Variants in NDUFAF5 observed in about 807,000 individuals in gnomAD.
NDUFAF5 encodes NADH:ubiquinone oxidoreductase complex assembly factor 5, also known as arginine-hydroxylase NDUFAF5, mitochondrial.
In NDUFAF5, 34 loss-of-function variants were observed where a neutral mutation model predicts 48.9. That is an observed-to-expected ratio of 0.70 (90% CI 0.53 to 0.93). NDUFAF5 has a LOEUF of 0.93. Ranked by LOEUF, NDUFAF5 falls within the 40% of genes least tolerant of loss-of-function variation. NDUFAF5 has a pLI of 0.00. For synonymous variants in NDUFAF5, 153 were observed against 150.6 expected (o/e 1.02, Z -0.12); for missense variants, 428 against 427.5 (o/e 1.00, Z -0.01).
rs1266331973 is a variant in NDUFAF5, at chr20:13,785,155, C to T, written c.87C>T (p.Val29=). The change falls in exon 1 of 11, where the codon GTC becomes GTT. Residue 29 remains valine (V), a synonymous_variant. Transcript: ENST00000378106. ...CGGAGAATCTTGGCCGTAGGGAAGTCACCTCTGGTGTCTCTCCCCGCGGTA... is the reference window on the plus strand; with the variant it reads ...CGGAGAATCTTGGCCGTAGGGAAGTTACCTCTGGTGTCTCTCCCCGCGGTA... ...VPAENLGRRE[V]TSGVSPRGST... is the part of the protein sequence containing the mutation. 3 of 1,613,866 alleles carry T rather than the reference C, an allele frequency of 1.9e-6. No individual in the cohort carries two copies. The highest frequency in any genetic ancestry group is 2.7e-5 in the African/African-American group (2 of 74,942).
intron 1 of NDUFAF5, among the ~76,000 whole-genome samples, chr20:13,786,204 A>ATTGAACTCATAGCTTGAGC (rs1157600010): frequency 2.0e-5 from 3 of 152,248 alleles, no homozygotes; most frequent in Admixed American, 1.3e-4. Context: ...ACAAACAGTT[A>ATTGAACTCATAGCTTGAGC]TTGAACTCAT....
chr20:13,788,926 AT>A (rs1242160473), intron 3 of NDUFAF5, among the ~76,000 whole-genome samples: 6 of 152,020 alleles, frequency 3.9e-5, no homozygotes, highest in Non-Finnish European at 7.4e-5. Flanking sequence ...CTTTGTTCAC[AT>A]TTTTTTATAA....
intron 7 of NDUFAF5, 24 bp downstream of exon 7, chr20:13,801,707 C>A (rs768773442): frequency 1.3e-6 from 2 of 1,588,068 alleles, no homozygotes; most frequent in East Asian, 4.5e-5. Context: ...TCGATTAACC[C>A]ATAACTTACA....
At chr20:13,788,561 A>C (rs1289002459) in intron 2 of NDUFAF5, 28 bp from the exon 3 acceptor site, 2 of 1,555,720 alleles carry the variant, frequency 1.3e-6, no homozygotes, top group Non-Finnish European at 1.8e-6. Flanking sequence ...TTATGGACAG[A>C]GCATAACCTC....
rs528993917 is a variant in NDUFAF5, at chr20:13,819,829, G to A, written c.*2619G>A. 1 of 152,302 alleles carries A rather than the reference G, an allele frequency of 6.6e-6. No individual in the cohort carries two copies. Among genetic ancestry groups the A allele is most frequent in the South Asian group, 2.1e-4 (1 of 4,824 alleles). 9.4% of individuals were successfully genotyped at this position (152,302 alleles called of 1,614,324 possible). A position where few individuals can be genotyped will look rare whatever the true frequency, so the allele number is the denominator to read the frequency against. On this transcript the variant is annotated 3_prime_UTR_variant, in exon 11 of 11. Coordinates refer to ENST00000378106, the MANE Select transcript of NDUFAF5 (RefSeq NM_024120.5). ...TCAATCTCAACACCTTGACCAAAAT[G>A]AACTTTCTTGAGTCATTTCTTCTCT...
Position 13,788,599 on chromosome 20 carries a change from C to G in NDUFAF5, c.274C>G (p.Leu92Val). Residue 92 changes from leucine to valine, a missense_variant, in exon 3 of 11, where the codon CTT becomes GTT. Coordinates refer to ENST00000378106, the MANE Select transcript of NDUFAF5 (RefSeq NM_024120.5). ...RVYDIPRNFPLALDLGCGRGY... is the reference protein window; with the variant it reads ...RVYDIPRNFPVALDLGCGRGY... ...TGTCTTTTTTTTTAGAAATTTCCCC[C>G]TTGCTTTGGATCTTGGTTGTGGAAG... 7 of 1,611,524 alleles carry G rather than the reference C, an allele frequency of 4.3e-6. No homozygotes were observed. The highest frequency in any genetic ancestry group is 5.9e-6 in the Non-Finnish European group (7 of 1,177,836).
At chr20:13,812,341 G>A (rs1164174598) in intron 8 of NDUFAF5, among the ~76,000 whole-genome samples, 1 of 152,134 alleles carries the variant, frequency 6.6e-6, no homozygotes, top group Non-Finnish European at 1.5e-5. Context: ...TCAGTAATAA[G>A]TCACACACAC....
intron 4 of NDUFAF5, 73 bp downstream of exon 4, chr20:13,793,300 A>G (rs1319784078): frequency 1.6e-6 from 2 of 1,277,758 alleles, no homozygotes; most frequent in Admixed American, 1.7e-5. Flanking sequence ...CTTTATTTTT[A>G]TTTCCTTCAA....
chr20:13,785,943 C>G (rs1391020866), intron 1 of NDUFAF5, among the ~76,000 whole-genome samples: 1 of 152,008 alleles, frequency 6.6e-6, no homozygotes, highest in Non-Finnish European at 1.5e-5. Context: ...ATGTGGCTCT[C>G]ATGATTTTTG....
At chr20:13,812,774 T>G (rs1986029951) in intron 8 of NDUFAF5, among the ~76,000 whole-genome samples, 1 of 152,242 alleles carries the variant, frequency 6.6e-6, no homozygotes, top group Non-Finnish European at 1.5e-5. Flanking sequence ...ATTTGATATG[T>G]ATGTGATTCT....
intron 3 of NDUFAF5, 74 bp from the exon 4 acceptor site, chr20:13,793,106 C>T: frequency 4.0e-6 from 6 of 1,514,958 alleles, no homozygotes; most frequent in Non-Finnish European, 4.6e-6. Context: ...GTAATTAACA[C>T]TTTTACCTTT....
intron 6 of NDUFAF5, 85 bp downstream of exon 6, chr20:13,798,585 A>G (rs571394625): frequency 1.5e-4 from 163 of 1,082,764 alleles, no homozygotes; most frequent in African/African-American, 2.2e-4. Flanking sequence ...TTCACATACT[A>G]TTTACTTGTA....
rs1986977228 is a variant in NDUFAF5 at position 13,821,501 on chromosome 20, C to G, written c.*4291C>G. ...CATTGACCACAACCTCATGAGAGAC[C>G]CTGAGCTAGAACCACCTAGCTAAGC... On this transcript the variant is annotated 3_prime_UTR_variant, in exon 11 of 11. Transcript: ENST00000378106. The G allele has an allele frequency of 6.6e-6, 1 of 152,180 alleles. No individual in the cohort carries two copies. Among genetic ancestry groups the G allele is most frequent in the African/African-American group, 2.4e-5 (1 of 41,434 alleles). The allele number at this position is 152,180 out of a possible 1,614,324, so 9.4% of individuals were successfully genotyped here. A position where few individuals can be genotyped will look rare whatever the true frequency, so the allele number is the denominator to read the frequency against.
intron 6 of NDUFAF5, among the ~76,000 whole-genome samples, chr20:13,800,917 G>T (rs571636547): frequency 1.5e-4 from 23 of 152,324 alleles, no homozygotes; most frequent in African/African-American, 4.8e-4. Context: ...GGCTAGCTCA[G>T]GCTTGTTCAC....
chr20:13,791,200 G>A (rs1179357604), intron 3 of NDUFAF5, among the ~76,000 whole-genome samples: 1 of 152,186 alleles, frequency 6.6e-6, no homozygotes, highest in East Asian at 1.9e-4. Context: ...ATAGCTGGCA[G>A]GTAGTTGGAA....
intron 7 of NDUFAF5, among the ~76,000 whole-genome samples, chr20:13,805,854 G>C (rs1314585530): frequency 1.3e-5 from 2 of 152,004 alleles, no homozygotes; most frequent in Non-Finnish European, 2.9e-5. Flanking sequence ...TTGAGCCTGG[G>C]ACGTTGAGGC....
chr20:13,799,024 G>A (rs1276968551), intron 6 of NDUFAF5, among the ~76,000 whole-genome samples: 2 of 152,186 alleles, frequency 1.3e-5, no homozygotes, highest in Non-Finnish European at 2.9e-5. Context: ...CAGGGCCTTA[G>A]AGGGTAGGTA....
chr20:13,813,089 A>T (rs1284797640), intron 8 of NDUFAF5: 1 of 152,458 alleles, frequency 6.6e-6, no homozygotes, highest in African/African-American at 2.4e-5. Flanking sequence ...AGCTGAGATT[A>T]CAGGCATGTG....
chr20:13,813,557 T>C (rs2147616153), intron 8 of NDUFAF5, among the ~76,000 whole-genome samples: 1 of 152,284 alleles, frequency 6.6e-6, no homozygotes, highest in East Asian at 1.9e-4. Context: ...TATGTTGTAC[T>C]AGGGAAGAAG....
Sources: gnomAD v4.1 joint callset for allele counts (sites outside exome capture counted in the v4.1 genomes callset) on GRCh38, gnomAD v4.1.1 for gene constraint, MANE v1.5 for transcripts, NCBI Gene and HGNC (gene_info 2026-07-23, HGNC 2026-07-21) for gene names.